The following SPG11 variants were observed in gnomAD, a reference collection of about 807,000 sequenced individuals.
SPG11 encodes spatacsin.
A neutral mutation model predicts 274.0 loss-of-function variants in SPG11; 222 were observed. The ratio of observed to expected loss-of-function variants is 0.81; its 90% CI spans 0.73 to 0.91. SPG11 has a LOEUF of 0.91. Among genes scored for constraint, SPG11 ranks in the 40% least tolerant of loss-of-function variants. SPG11 has a pLI of 0.00. For missense variants in SPG11, 3,114 were observed against 2,872.7 expected (o/e 1.08, Z -1.92); for synonymous variants, 1,144 against 1,039.7 (o/e 1.10, Z -1.93).
chr15:44,591,044 T>C (rs1038401667), intron 27 of SPG11: 6 of 152,258 alleles, frequency 3.9e-5, no homozygotes, highest in African/African-American at 1.4e-4. Context: ...CTATTTGGAA[T>C]GAATTTCCTT....
At position 44,595,510 on chromosome 15, in the gene SPG11, G is replaced by A; in HGVS notation, c.4435-51C>T. On this transcript the variant is annotated intron_variant, in intron 25 of 39. Transcript: ENST00000261866. ...ACTAGGCCTGGATTACCTGGCAAAT[G>A]TACAAATACTACAGATGGATATTTC... is the stretch of plus-strand genomic sequence containing the variant. 3.3e-6 allele frequency: 5 copies of A among 1,537,942 alleles called. No homozygotes were observed. The South Asian group carries it at 5.6e-5, about 17-fold the overall frequency.
intron 22 of SPG11, 72 bp downstream of exon 22, chr15:44,598,559 A>G: frequency 2.1e-6 from 3 of 1,450,956 alleles, no homozygotes; most frequent in Non-Finnish European, 2.9e-6. Context: ...CTCCCCAAAC[A>G]CTCACAATTC....
chr15:44,627,029 G>A (rs991834323), intron 10 of SPG11, among the ~76,000 whole-genome samples: 1 of 152,214 alleles, frequency 6.6e-6, no homozygotes, highest in Non-Finnish European at 1.5e-5. Flanking sequence ...AGTAGCAGAT[G>A]AGACTTGAAA....
chr15:44,635,911 C>T (rs981598169), intron 7 of SPG11, among the ~76,000 whole-genome samples: 1 of 150,122 alleles, frequency 6.7e-6, no homozygotes, highest in African/African-American at 2.4e-5. Context: ...AGTGAGACTC[C>T]ACCTATAAAA....
intron 21 of SPG11, 149 bp downstream of exon 21, chr15:44,600,314 CCTCA>C (rs2083152532): frequency 4.0e-6 from 3 of 752,270 alleles, no homozygotes; most frequent in South Asian, 1.6e-5. Context: ...AGTGGCAGAG[CCTCA>C]CTGTCACCCA....
intron 10 of SPG11, among the ~76,000 whole-genome samples, chr15:44,627,593 A>ATTTT (rs753504528): frequency 6.9e-6 from 1 of 145,652 alleles, no homozygotes; most frequent in South Asian, 2.2e-4. Context: ...AAAGTAAGTA[A>ATTTT]TTTTTTTTTT....
At chr15:44,615,299 G>T in intron 16 of SPG11, 64 bp downstream of exon 16, 9 of 1,466,860 alleles carry the variant, frequency 6.1e-6, no homozygotes, top group Non-Finnish European at 8.6e-6. Context: ...GTCACATTCA[G>T]GAGTCATATG....
intron 26 of SPG11, 108 bp downstream of exon 26, chr15:44,595,151 T>A (rs2083002246): frequency 2.8e-6 from 3 of 1,065,940 alleles, no homozygotes; most frequent in Admixed American, 2.0e-5. Flanking sequence ...CATCATTATC[T>A]GTTGTTGGCT....
chr15:44,597,496 C>T (rs2083076213), intron 23 of SPG11, among the ~76,000 whole-genome samples: 1 of 152,184 alleles, frequency 6.6e-6, no homozygotes, highest in Admixed American at 6.6e-5. Context: ...AGTCATCAAT[C>T]AAGTACCTAT....
intron 29 of SPG11, 24 bp downstream of exon 29, chr15:44,585,602 TAAAAAAAAAA>T (rs34800368): frequency 2.5e-6 from 3 of 1,193,774 alleles, no homozygotes; most frequent in African/African-American, 2.2e-5. Flanking sequence ...ACCCCGTATC[TAAAAAAAAAA>T]AAAAAAAAAA....
intron 35 of SPG11, 46 bp downstream of exon 35, chr15:44,569,350 AAT>A: frequency 7.5e-7 from 1 of 1,325,688 alleles, no homozygotes; most frequent in Middle Eastern, 1.8e-4. Context: ...GAGGCTCCTG[AAT>A]TATCAGCAGT....
At position 44,584,590 on chromosome 15, in the gene SPG11, T is replaced by C. The variant is rs181857096; in HGVS notation, c.5122-32A>G. ...AATTTAACAAAGCAGATTTTAGCCT[T>C]TCTTGGATAAAAAAGTATCATAAAT... On this transcript the variant is annotated intron_variant, in intron 29 of 39. Transcript: ENST00000261866. The C allele has an allele frequency of 1.2e-4, 198 of 1,600,692 alleles. No individual in the cohort carries two copies. In the African/African-American group the frequency reaches 2.5e-3, roughly 20 times the overall value.
intron 7 of SPG11, among the ~76,000 whole-genome samples, chr15:44,636,942 A>AAC (rs2084285000): frequency 3.5e-5 from 4 of 115,228 alleles, no homozygotes; most frequent in African/African-American, 1.4e-4. Context: ...AAAAAAAAAA[A>AAC]AAAAAAAAAA....
intron 11 of SPG11, among the ~76,000 whole-genome samples, chr15:44,623,522 C>T (rs1433578074): frequency 6.6e-6 from 1 of 152,054 alleles, no homozygotes; most frequent in Non-Finnish European, 1.5e-5. Context: ...GTCTAGGAGC[C>T]CTACTTCTAA....
At chr15:44,599,687 A>G (rs2083134172) in intron 21 of SPG11, among the ~76,000 whole-genome samples, 1 of 152,142 alleles carries the variant, frequency 6.6e-6, no homozygotes, top group South Asian at 2.1e-4. Context: ...CTACTTGAAT[A>G]CTTTACCATA....
At chr15:44,625,825 G>A (rs1187414916) in intron 11 of SPG11, among the ~76,000 whole-genome samples, 5 of 151,984 alleles carry the variant, frequency 3.3e-5, no homozygotes, top group African/African-American at 7.3e-5. Flanking sequence ...GATTACAGGC[G>A]CCCGCCACCA....
At chr15:44,622,014 C>T in intron 13 of SPG11, 80 bp from the exon 14 acceptor site, 1 of 1,252,846 alleles carries the variant, frequency 8.0e-7, no homozygotes, top group East Asian at 2.5e-5. Flanking sequence ...TCAAGAACAT[C>T]CACTCTTTTG....
At position 44,628,774 on chromosome 15, in the gene SPG11, C is replaced by G. The variant is rs755278777; in HGVS notation, c.1962G>C (p.Met654Ile). 1 of 1,613,610 alleles carries G rather than the reference C, an allele frequency of 6.2e-7. No homozygotes were observed. The highest frequency in any genetic ancestry group is 1.3e-5 in the African/African-American group (1 of 74,922). ...CTGTTAGCTTCCAAGGAAACTTTAT[C>G]ATGAAGGTTCGAAGTTCATTAATGT... ...TSYINELRTF[M>I]IKFPWKLTDA... The change falls in exon 10 of 40, where the codon ATG (methionine) becomes ATC (isoleucine). Residue 654 changes from methionine to isoleucine, a missense_variant. Transcript: ENST00000261866.
At chr15:44,606,004 G>A (rs776922575) in intron 20 of SPG11, 21 bp downstream of exon 20, 2 of 1,603,286 alleles carry the variant, frequency 1.2e-6, no homozygotes, top group African/African-American at 2.7e-5. Context: ...CATGTCTCAA[G>A]AAGTACCCAT....
Sources: allele counts gnomAD v4.1 joint callset (sites outside exome capture counted in the v4.1 genomes callset), GRCh38; gene constraint gnomAD v4.1.1; transcripts MANE v1.5; gene names NCBI Gene and HGNC (gene_info 2026-07-23, HGNC 2026-07-21).